The following SPAG16 variants were observed in gnomAD, a reference collection of about 807,000 sequenced individuals.
SPAG16 encodes sperm-associated antigen 16 protein.
In SPAG16, 86 loss-of-function variants were observed where a neutral mutation model predicts 80.4. That is an observed-to-expected ratio of 1.07 (90% confidence interval 0.90 to 1.28). The LOEUF (loss-of-function observed/expected upper bound fraction) is 1.28. Ranked by LOEUF, SPAG16 falls within the 50% of genes most tolerant of loss-of-function variation. The pLI, the probability that SPAG16 is intolerant of heterozygous loss-of-function variation, is 0.00. For missense variants in SPAG16, 870 were observed against 765.3 expected, an observed-to-expected ratio of 1.14 and a Z score of -1.61; for synonymous variants, 294 against 265.9, an observed-to-expected ratio of 1.11 and a Z score of -1.03.
chr2:213,717,155 CAT>C lies in SPAG16; in HGVS notation c.1071-145329_1071-145328del, dbSNP rs2066272697. Among the ~76,000 whole-genome samples the C allele has an allele frequency of 9.3e-5, 13 of 139,208 alleles. 2 individuals carry two copies. Among genetic ancestry groups the C allele is most frequent in the Non-Finnish European group, 1.3e-4 (8 of 62,578 alleles). 91.3% of individuals were successfully genotyped at this position (139,208 alleles called of 152,430 possible). A position where few individuals can be genotyped will look rare whatever the true frequency, so the allele number is the denominator to read the frequency against. ...TCAACTGTGAAAAGCAGAAACTTTT[CAT>C]TTTTTTTTTTTTTTTTGAGACGGAA... On this transcript the variant is annotated intron_variant, in intron 10 of 15. Coordinates refer to ENST00000331683, the MANE Select transcript of SPAG16 (RefSeq NM_024532.5).
chr2:213,738,344 T>C (rs192216694), intron 10 of SPAG16, among the ~76,000 whole-genome samples: 14 of 152,266 alleles, frequency 9.2e-5, no homozygotes, highest in Middle Eastern at 6.8e-3. Flanking sequence ...ATTTATAAAT[T>C]AGGCAAGGTA....
At chr2:213,333,295 A>G (rs1422529650) in intron 5 of SPAG16, among the ~76,000 whole-genome samples, 1 of 152,148 alleles carries the variant, frequency 6.6e-6, no homozygotes, top group Non-Finnish European at 1.5e-5. Context: ...GTAACAAGCA[A>G]ATAAATGAAA....
At chr2:213,955,799 T>TTTATAA (rs1299729669) in intron 12 of SPAG16, among the ~76,000 whole-genome samples, 2 of 152,096 alleles carry the variant, frequency 1.3e-5, no homozygotes, top group Non-Finnish European at 2.9e-5. Flanking sequence ...ACACTACTTT[T>TTTATAA]TTATAATCAT....
In SPAG16 at chr2:213,846,575, A is replaced by G. The variant is rs1382167927; in HGVS notation, c.1071-15910A>G. On this transcript the variant is annotated intron_variant, in intron 10 of 15. Coordinates refer to ENST00000331683, the MANE Select transcript of SPAG16 (RefSeq NM_024532.5). Reference sequence around the variant, plus strand: ...TCTAGTTAATTTGACACAAAATAATATAATTATAAATAAAATAATAATGGA... The same window carrying G: ...TCTAGTTAATTTGACACAAAATAATGTAATTATAAATAAAATAATAATGGA... Among the ~76,000 whole-genome samples the G allele has an allele frequency of 2.0e-5, 3 of 152,160 alleles. No homozygotes were observed. In the East Asian group the frequency reaches 5.8e-4, roughly 29 times the overall value.
At chr2:213,949,601 G>A (rs190286907) in intron 12 of SPAG16, among the ~76,000 whole-genome samples, 13 of 152,214 alleles carry the variant, frequency 8.5e-5, no homozygotes, top group East Asian at 5.8e-4. Flanking sequence ...GAGGTCTTTG[G>A]TACTCAACCT....
chr2:213,440,010 C>A (rs1419206913), intron 9 of SPAG16, among the ~76,000 whole-genome samples: 1 of 152,014 alleles, frequency 6.6e-6, no homozygotes, highest in Non-Finnish European at 1.5e-5. Context: ...TGGAGAAATC[C>A]ACCATAATCA....
chr2:213,393,607 C>A (rs1279283388), intron 9 of SPAG16, among the ~76,000 whole-genome samples: 3 of 151,840 alleles, frequency 2.0e-5, no homozygotes, highest in African/African-American at 7.3e-5. Context: ...TGTATGTCTC[C>A]AAGTGCATTA....
At chr2:213,867,881 G>T (rs182956874) in intron 11 of SPAG16, among the ~76,000 whole-genome samples, 2 of 124,106 alleles carry the variant, frequency 1.6e-5, no homozygotes, top group Admixed American at 2.2e-4. Flanking sequence ...CTGAGATCGC[G>T]CCACTGCACT....
intron 14 of SPAG16, among the ~76,000 whole-genome samples, chr2:214,133,158 C>A (rs1455124671): frequency 1.3e-5 from 2 of 150,630 alleles, no homozygotes; most frequent in African/African-American, 4.9e-5. Flanking sequence ...TAGCATAGAG[C>A]AAGGTTTGGC....
At chr2:213,286,165 C>T (rs2062049283) in intron 1 of SPAG16, among the ~76,000 whole-genome samples, 1 of 152,142 alleles carries the variant, frequency 6.6e-6, no homozygotes, top group African/African-American at 2.4e-5. Context: ...AAGACTTTTT[C>T]AAATAATCAC....
At chr2:213,307,353 C>G (rs1178741056) in intron 3 of SPAG16, among the ~76,000 whole-genome samples, 1 of 114,598 alleles carries the variant, frequency 8.7e-6, no homozygotes, top group African/African-American at 3.3e-5. Flanking sequence ...TATCCCTCCC[C>G]CCTCCCCCCA....
intron 10 of SPAG16, among the ~76,000 whole-genome samples, chr2:213,787,463 G>A (rs976675943): frequency 2.0e-5 from 3 of 152,056 alleles, no homozygotes; most frequent in Non-Finnish European, 4.4e-5. Context: ...GAAACTGAAT[G>A]AAATATAATA....
intron 15 of SPAG16, among the ~76,000 whole-genome samples, chr2:214,360,256 G>T (rs1699099300): frequency 6.6e-6 from 1 of 151,770 alleles, no homozygotes; most frequent in Non-Finnish European, 1.5e-5. Context: ...ATATTTCCTA[G>T]ATTTAACATA....
chr2:213,916,028 G>A (rs1013020555), intron 11 of SPAG16, among the ~76,000 whole-genome samples: 5 of 152,076 alleles, frequency 3.3e-5, no homozygotes, highest in African/African-American at 1.2e-4. Context: ...TTGTCAGATG[G>A]ATAGATTGCA....
intron 15 of SPAG16, among the ~76,000 whole-genome samples, chr2:214,340,213 C>T (rs1269931772): frequency 1.3e-5 from 2 of 152,146 alleles, no homozygotes; most frequent in Non-Finnish European, 2.9e-5. Flanking sequence ...TGACGATAGA[C>T]CCACACTACT....
intron 9 of SPAG16, among the ~76,000 whole-genome samples, chr2:213,382,185 C>G (rs1033088401): frequency 6.6e-6 from 1 of 152,152 alleles, no homozygotes; most frequent in African/African-American, 2.4e-5. Context: ...CTTACTTGTG[C>G]TTTTCTGATG....
chr2:214,039,070 G>T (rs550828715), intron 13 of SPAG16, among the ~76,000 whole-genome samples: 1 of 152,258 alleles, frequency 6.6e-6, no homozygotes, highest in African/African-American at 2.4e-5. Context: ...TAATGGGATT[G>T]CTGGGTCAAA....
intron 10 of SPAG16, among the ~76,000 whole-genome samples, chr2:213,833,163 T>C (rs80037663): frequency 0.013 from 1,975 of 151,396 alleles, 43 homozygotes; most frequent in African/African-American, 0.045. Context: ...TTCTATAATA[T>C]ATTCTCCTGG....
chr2:214,189,027 T>C (rs1435318229), intron 15 of SPAG16, among the ~76,000 whole-genome samples: 1 of 152,118 alleles, frequency 6.6e-6, no homozygotes, highest in African/African-American at 2.4e-5. Context: ...AATCGTGGTC[T>C]TTTTACCTTT....
Sources: gnomAD v4.1 joint callset for allele counts (sites outside exome capture counted in the v4.1 genomes callset) on GRCh38, gnomAD v4.1.1 for gene constraint, MANE v1.5 for transcripts, NCBI Gene and HGNC (gene_info 2026-07-23, HGNC 2026-07-21) for gene names.